The following SPRY3 variants were observed in gnomAD, a reference collection of about 807,000 sequenced individuals.
SPRY3 encodes the protein sprouty RTK signaling antagonist 3.
In SPRY3, 15 loss-of-function variants were observed where a neutral mutation model predicts 20.2. That is an observed-to-expected ratio of 0.74 (90% CI 0.50 to 1.14). The LOEUF is 1.14. Ranked by LOEUF, SPRY3 falls within the 50% of genes most tolerant of loss-of-function variation. The pLI is 0.00. For missense variants in SPRY3, 364 were observed against 363.9 expected, an observed-to-expected ratio of 1.00 and a Z score of 0.00; for synonymous variants, 143 against 136.5, an observed-to-expected ratio of 1.05 and a Z score of -0.33.
intron 2 of SPRY3, among the ~76,000 whole-genome samples, chrX:155,680,226 GAGA>G (rs112839770): frequency 0.014 from 1,426 of 102,348 alleles, 46 homozygotes; most frequent in African/African-American, 0.049. Flanking sequence ...GAGAAGAGAA[GAGA>G]AGAAGTCAAA....
At chrX:155,674,161 G>C in intron 2 of SPRY3, among the ~76,000 whole-genome samples, 1 of 110,863 alleles carries the variant, frequency 9.0e-6, no homozygotes, top group Non-Finnish European at 1.9e-5. Flanking sequence ...ATTTCACTGG[G>C]ACGTATAGCT....
intron 2 of SPRY3, among the ~76,000 whole-genome samples, chrX:155,760,741 A>G (rs2091300858): frequency 6.6e-6 from 1 of 152,116 alleles, no homozygotes; most frequent in South Asian, 2.1e-4. Flanking sequence ...AATAGGGTTC[A>G]CGCTCCTATG....
intron 2 of SPRY3, among the ~76,000 whole-genome samples, chrX:155,657,495 A>T (rs1257968405): frequency 1.8e-5 from 2 of 112,190 alleles, no homozygotes; most frequent in African/African-American, 6.5e-5. Flanking sequence ...TCAACCTCAG[A>T]CTGCTGTGCT....
chrX:155,762,183 A>C (rs1297119581), intron 2 of SPRY3, among the ~76,000 whole-genome samples: 1 of 152,042 alleles, frequency 6.6e-6, no homozygotes, highest in Non-Finnish European at 1.5e-5. Flanking sequence ...CTTGGATTCT[A>C]CTCCTGGCTC....
intron 2 of SPRY3, among the ~76,000 whole-genome samples, chrX:155,754,524 T>G (rs1479410115): frequency 6.6e-6 from 1 of 152,008 alleles, no homozygotes; most frequent in African/African-American, 2.4e-5. Flanking sequence ...TCAGAAAGAT[T>G]TAATACTTTT....
At chrX:155,719,096 A>G (rs1463154684) in intron 2 of SPRY3, among the ~76,000 whole-genome samples, 2 of 152,142 alleles carry the variant, frequency 1.3e-5, no homozygotes, top group South Asian at 2.1e-4. Flanking sequence ...CACCACCCCC[A>G]CAATGTGCCC....
chrX:155,679,472 G>T (rs1321527313), intron 2 of SPRY3, among the ~76,000 whole-genome samples: 1 of 104,657 alleles, frequency 9.6e-6, no homozygotes, highest in Non-Finnish European at 2.0e-5. Flanking sequence ...GTGGGGGTGG[G>T]AGTAGCTAGT....
chrX:155,690,373 G>A (rs1292754332), intron 2 of SPRY3, among the ~76,000 whole-genome samples: 2 of 87,919 alleles, frequency 2.3e-5, no homozygotes, highest in African/African-American at 1.1e-4. Flanking sequence ...CAGGCTAAAT[G>A]CCCCAATTAA....
At chrX:155,704,604 T>G (rs1269489535) in intron 2 of SPRY3, among the ~76,000 whole-genome samples, 1 of 151,676 alleles carries the variant, frequency 6.6e-6, no homozygotes, top group Non-Finnish European at 1.5e-5. Context: ...AGAAAAAGTA[T>G]TTTAAAAAAT....
At chrX:155,767,733 GGA>G (rs1167461137) in intron 2 of SPRY3, 2 of 67,282 alleles carry the variant, frequency 3.0e-5, no homozygotes, top group South Asian at 7.0e-4. Flanking sequence ...AGGAGGAGGA[GGA>G]GAGAGAGGAG....
chrX:155,778,931 G>A, downstream of SPRY3: 1 of 167,106 alleles, frequency 6.0e-6, no homozygotes. Flanking sequence ...ACGATCCAGG[G>A]TAGTATGAGT....
intron 3 of SPRY3, among the ~76,000 whole-genome samples, chrX:155,769,664 A>G (rs1187674516): frequency 7.2e-5 from 11 of 152,200 alleles, no homozygotes; most frequent in African/African-American, 7.2e-5. Flanking sequence ...TAAAAGACCT[A>G]TATCTTTTAA....
rs946948023 is a variant in SPRY3, at chrX:155,758,512, A to G, written c.-281-9450A>G. Among the ~76,000 whole-genome samples the G allele has an allele frequency of 1.8e-4, 27 of 152,210 alleles. 1 individual carries two copies. The highest frequency in any genetic ancestry group is 2.0e-4 in the Admixed American group (3 of 15,282). The stretch of plus-strand genomic sequence containing the variant: ...CTATGTTCCCTTGGCATTGCTTACA[A>G]TGCTGGTGTCACCACTGCTGAATCA... On this transcript the variant is annotated intron_variant, in intron 2 of 3. Transcript: ENST00000675360.
chrX:155,678,468 T>C (rs950902842), intron 2 of SPRY3, among the ~76,000 whole-genome samples: 11 of 111,788 alleles, frequency 9.8e-5, no homozygotes, highest in African/African-American at 3.6e-4. Context: ...CTAATTCGAA[T>C]GTCCTTTCTT....
intron 2 of SPRY3, among the ~76,000 whole-genome samples, chrX:155,671,396 T>C (rs1420865585): frequency 2.7e-5 from 3 of 110,598 alleles, no homozygotes; most frequent in Admixed American, 9.7e-5. Flanking sequence ...GATGGGGGTA[T>C]CTTGAGAGTT....
chrX:155,730,836 T>C (rs2091128167), intron 2 of SPRY3, among the ~76,000 whole-genome samples: 1 of 151,970 alleles, frequency 6.6e-6, no homozygotes, highest in Non-Finnish European at 1.5e-5. Context: ...AAAATCAAGA[T>C]ACAAAAATCA....
Position 155,729,087 on chromosome X carries a change from A to G in SPRY3, c.-281-38875A>G, listed in dbSNP as rs1213821386. The stretch of plus-strand genomic sequence containing the variant: ...GACATATAAAGCAAATATTCAAGCT[A>G]AAGAGAGAGACCCAAATACAATAAT... On this transcript the variant is annotated intron_variant, in intron 2 of 3. Transcript: ENST00000675360. Among the ~76,000 whole-genome samples, 9 of 152,284 alleles carry G rather than the reference A, an allele frequency of 5.9e-5. No individual in the cohort carries two copies. The South Asian group carries it at 1.2e-3, about 21-fold the overall frequency.
At chrX:155,619,094 CAA>C (rs1286235712) in intron 1 of SPRY3, among the ~76,000 whole-genome samples, 12 of 48,063 alleles carry the variant, frequency 2.5e-4, no homozygotes, top group African/African-American at 5.9e-4. Flanking sequence ...CTTTAGATGT[CAA>C]GTCTTTACTG....
At chrX:155,614,766 T>C (rs1246759093) in intron 1 of SPRY3, among the ~76,000 whole-genome samples, 1 of 111,649 alleles carries the variant, frequency 9.0e-6, no homozygotes, top group Non-Finnish European at 1.9e-5. Context: ...TCTCTCTGTG[T>C]GTGTGTGTGT....
Sources: gnomAD v4.1 joint callset for allele counts (sites outside exome capture counted in the v4.1 genomes callset) on GRCh38, gnomAD v4.1.1 for gene constraint, MANE v1.5 for transcripts, NCBI Gene and HGNC (gene_info 2026-07-23, HGNC 2026-07-21) for gene names.